Variants in MARK3 observed in about 807,000 individuals in gnomAD.
MARK3 encodes the protein microtubule affinity regulating kinase 3, also known as MAP/microtubule affinity-regulating kinase 3.
A neutral mutation model predicts 90.1 loss-of-function variants in MARK3; 46 were observed. The observed-to-expected ratio is 0.51, with a 90% CI of 0.40 to 0.65. MARK3 has a LOEUF of 0.65. MARK3 is among the 30% of genes least tolerant of loss of function. The probability of loss-of-function intolerance (pLI) is 0.00; values close to 1 mark genes in which losing one functional copy is unlikely to be tolerated. For missense variants in MARK3, 818 were observed against 947.2 expected, an observed-to-expected ratio of 0.86 and a Z score of 1.79; for synonymous variants, 321 against 332.6, an observed-to-expected ratio of 0.97 and a Z score of 0.38.
intron 3 of MARK3, among the ~76,000 whole-genome samples, chr14:103,442,942 T>TC (rs768977846): frequency 0.038 from 3,886 of 102,696 alleles, 190 homozygotes; most frequent in Non-Finnish European, 0.048. Context: ...TTGGTGGGTG[T>TC]CCCCCCCCCT....
intron 2 of MARK3, chr14:103,411,981 C>T (rs2091666528): frequency 7.2e-6 from 2 of 279,040 alleles, no homozygotes; most frequent in Non-Finnish European, 1.3e-5. Flanking sequence ...TTTACTCTTC[C>T]ACATGAATTT....
At chr14:103,458,454 C>CAAAAAAAAAAA (rs36020485) in intron 6 of MARK3, among the ~76,000 whole-genome samples, 1 of 30,782 alleles carries the variant, frequency 3.2e-5, no homozygotes, top group African/African-American at 1.2e-4. Flanking sequence ...GACTCCATCT[C>CAAAAAAAAAAA]AAAAAAAAAA....
intron 2 of MARK3, among the ~76,000 whole-genome samples, chr14:103,409,844 G>C (rs1017332049): frequency 6.6e-6 from 1 of 152,070 alleles, no homozygotes; most frequent in Non-Finnish European, 1.5e-5. Context: ...TGGGCATTAG[G>C]GTTGTTTCTA....
At chr14:103,440,361 CCTT>C (rs1306589742) in intron 3 of MARK3, among the ~76,000 whole-genome samples, 1 of 152,192 alleles carries the variant, frequency 6.6e-6, no homozygotes, top group Non-Finnish European at 1.5e-5. Context: ...TGCACATCCT[CCTT>C]CTTCATTAGA....
intron 12 of MARK3, among the ~76,000 whole-genome samples, chr14:103,470,535 A>G (rs1389356308): frequency 4.7e-5 from 6 of 128,690 alleles, no homozygotes; most frequent in Non-Finnish European, 6.2e-5. Flanking sequence ...GGCTCACTGC[A>G]ACCTCCGCCT....
chr14:103,386,096 G>A lies in MARK3; in HGVS notation c.51+16G>A. The A allele has an allele frequency of 6.2e-7, 1 of 1,613,830 alleles. No individual in the cohort carries two copies. Among genetic ancestry groups the A allele is most frequent in the Non-Finnish European group, 8.5e-7 (1 of 1,179,634 alleles). ...CACTGAAAACGTAAGTAACCTGGGC[G>A]TTGTAGTTGGCGGACCTTCGGGGTG... On this transcript the variant is annotated intron_variant, in intron 1 of 17. Coordinates refer to ENST00000429436, the MANE Select transcript of MARK3 (RefSeq NM_001128918.3).
intron 14 of MARK3, among the ~76,000 whole-genome samples, chr14:103,483,839 G>A (rs1276068979): frequency 6.6e-6 from 1 of 152,218 alleles, no homozygotes; most frequent in East Asian, 1.9e-4. Context: ...ACCTTCAATT[G>A]TATGATTCTA....
At chr14:103,397,868 A>G (rs2090684957) in intron 1 of MARK3, among the ~76,000 whole-genome samples, 1 of 152,158 alleles carries the variant, frequency 6.6e-6, no homozygotes, top group Non-Finnish European at 1.5e-5. Context: ...TCTTTGATCC[A>G]TGTGAGACTA....
intron 1 of MARK3, among the ~76,000 whole-genome samples, chr14:103,389,720 G>A (rs2090092590): frequency 1.3e-5 from 2 of 151,480 alleles, no homozygotes; most frequent in Non-Finnish European, 2.9e-5. Context: ...GGGGCAGGTG[G>A]ATCACCTGAG....
intron 1 of MARK3, among the ~76,000 whole-genome samples, chr14:103,388,169 GA>G (rs1167769626): frequency 6.6e-6 from 1 of 152,218 alleles, no homozygotes; most frequent in South Asian, 2.1e-4. Context: ...GACTTCAGGT[GA>G]TCCTCCCGCG....
At chr14:103,403,326 TTGTGTGTGTGTGTG>T (rs59913493) in intron 1 of MARK3, among the ~76,000 whole-genome samples, 4,290 of 138,528 alleles carry the variant, frequency 0.031, 69 homozygotes, top group African/African-American at 0.052. Context: ...TAGTGCCTGG[TTGTGTGTGTGTGTG>T]TGTGTGTGTG....
At chr14:103,446,526 A>G (rs1176234216) in intron 3 of MARK3, among the ~76,000 whole-genome samples, 1 of 151,956 alleles carries the variant, frequency 6.6e-6, no homozygotes, top group Non-Finnish European at 1.5e-5. Context: ...CGTCTCAAAA[A>G]TAAATAAATA....
In MARK3 at chr14:103,405,164, C is replaced by T; in HGVS notation, c.140C>T (p.Ala47Val). 5 of 1,603,806 alleles carry T rather than the reference C, an allele frequency of 3.1e-6. No individual in the cohort carries two copies. Among genetic ancestry groups the T allele is most frequent in the Non-Finnish European group, 3.4e-6 (4 of 1,177,280 alleles). The change falls in exon 2 of 18, where the codon GCA (alanine) becomes GTA (valine). Residue 47 changes from alanine to valine, a missense_variant. Transcript: ENST00000429436. ...ARCRNSIASCADEQPHIGNYR... is the reference protein window; with the variant it reads ...ARCRNSIASCVDEQPHIGNYR... ...TGTAGAAACTCTATAGCCTCCTGTG[C>T]AGATGAACAACCTCACATCGGAAAC...
At chr14:103,399,932 A>C (rs1311304925) in intron 1 of MARK3, among the ~76,000 whole-genome samples, 16 of 33,844 alleles carry the variant, frequency 4.7e-4, no homozygotes, top group East Asian at 2.9e-3. Flanking sequence ...TTACCCCCCC[A>C]CCCTCCTTTT....
At position 103,390,288 on chromosome 14, in the gene MARK3, A is replaced by G. The variant is rs550917242; in HGVS notation, c.51+4208A>G. Among the ~76,000 whole-genome samples, 28 of 152,320 alleles carry G rather than the reference A, an allele frequency of 1.8e-4. No individual in the cohort carries two copies. In the East Asian group the frequency reaches 5.2e-3, roughly 28 times the overall value. ...TGTTGCTGCATCGTGTTATAGCTCA[A>G]AAGAACTACTCAATCTGATCCAGTG... On this transcript the variant is annotated intron_variant, in intron 1 of 17. Transcript: ENST00000429436.
intron 12 of MARK3, among the ~76,000 whole-genome samples, chr14:103,472,720 G>A (rs2093649694): frequency 6.6e-6 from 1 of 150,544 alleles, no homozygotes; most frequent in South Asian, 2.1e-4. Context: ...ACAATAAAAA[G>A]GAACAGGCTG....
chr14:103,415,315 T>C (rs1051264677), intron 2 of MARK3, among the ~76,000 whole-genome samples: 3 of 152,152 alleles, frequency 2.0e-5, no homozygotes, highest in Admixed American at 1.3e-4. Flanking sequence ...AATAGCCTAG[T>C]TATGGTGTAA....
In MARK3 at chr14:103,451,958, C is replaced by A; in HGVS notation, c.387C>A (p.Tyr129Ter). ...FEVIETEKTL[Y>*]LIMEYASGGE... ...TCATTGAAACTGAAAAAACACTCTA[C>A]CTAATCATGGAATATGCAAGTGGAG... Residue 129 changes from tyrosine to a stop codon, truncating the protein, a stop_gained, in exon 5 of 18, where the codon TAC becomes TAA. Transcript: ENST00000429436. LOFTEE classifies it high-confidence loss of function. 1 of 1,611,952 alleles carries A rather than the reference C, an allele frequency of 6.2e-7. No individual in the cohort carries two copies. The highest frequency in any genetic ancestry group is 8.5e-7 in the Non-Finnish European group (1 of 1,178,706).
At chr14:103,477,999 T>TAAAAA (rs57130429) in intron 13 of MARK3, among the ~76,000 whole-genome samples, 35,787 of 141,112 alleles carry the variant, frequency 0.25, 5,813 homozygotes, top group Middle Eastern at 0.41. Context: ...ACCCTGTCCT[T>TAAAAA]AAAAAAAAAA....
Sources: gnomAD v4.1 joint callset for allele counts (sites outside exome capture counted in the v4.1 genomes callset) on GRCh38, gnomAD v4.1.1 for gene constraint, MANE v1.5 for transcripts, NCBI Gene and HGNC (gene_info 2026-07-23, HGNC 2026-07-21) for gene names.